LMAN2L: variants seen among roughly 807,000 people sequenced by gnomAD.
LMAN2L encodes the protein lectin, mannose binding 2 like, also known as VIP36-like protein.
In LMAN2L, 30 loss-of-function variants were observed where a neutral mutation model predicts 44.3. The observed-to-expected ratio is 0.68, with a 90% CI of 0.51 to 0.92. The LOEUF is 0.92. Ranked by LOEUF, LMAN2L falls within the 40% of genes least tolerant of loss-of-function variation. The pLI, the probability that LMAN2L is intolerant of heterozygous loss-of-function variation, is 0.00. For synonymous variants in LMAN2L, 183 were observed against 171.1 expected (o/e 1.07, Z -0.54); for missense variants, 429 against 446.1 (o/e 0.96, Z 0.35).
intron 2 of LMAN2L, chr2:96,736,992 T>C: frequency 2.9e-6 from 1 of 345,978 alleles, no homozygotes; most frequent in South Asian, 2.2e-5. Flanking sequence ...CTACAACTAA[T>C]GAGAAAAGCC....
At position 96,722,263 on chromosome 2, in the gene LMAN2L, C is replaced by T. The variant is rs193135909; in HGVS notation, c.508-10238G>A. On this transcript the variant is annotated intron_variant, in intron 4 of 7. Transcript: ENST00000264963. Reference sequence around the variant, plus strand: ...GATTACAGGCGTGAGCCACCGCACCCGGCCTGTGTACTTTATTTCTATTAT... The same window carrying T: ...GATTACAGGCGTGAGCCACCGCACCTGGCCTGTGTACTTTATTTCTATTAT... Among the ~76,000 whole-genome samples the T allele has an allele frequency of 4.7e-3, 719 of 152,182 alleles. 3 individuals carry two copies. The highest frequency in any genetic ancestry group is 0.014 in the Middle Eastern group (4 of 294).
At chr2:96,708,531 A>T (rs906990133) in intron 6 of LMAN2L, among the ~76,000 whole-genome samples, 6 of 152,254 alleles carry the variant, frequency 3.9e-5, no homozygotes, top group Non-Finnish European at 8.8e-5. Context: ...CTGTATAATT[A>T]AAAAATTTGG....
At chr2:96,719,989 T>C (rs559918151) in intron 4 of LMAN2L, among the ~76,000 whole-genome samples, 13 of 151,964 alleles carry the variant, frequency 8.6e-5, no homozygotes, top group African/African-American at 3.1e-4. Context: ...ACTGTGCCAC[T>C]GCACTCCATC....
rs552346245 is a variant in LMAN2L, at chr2:96,729,530, C to A, written c.507+3989G>T. 2.7e-5 allele frequency among the ~76,000 whole-genome samples: 4 copies of A among 150,544 alleles called. No individual in the cohort carries two copies. The East Asian group carries it at 5.9e-4, about 22-fold the overall frequency. On this transcript the variant is annotated intron_variant, in intron 4 of 7. Coordinates refer to ENST00000264963, the MANE Select transcript of LMAN2L (RefSeq NM_030805.4). ...TTTTTAATGGCTTTTTTTTTTGAGA[C>A]AGAGTCTTGCTCTTGTCGCCCAGGC...
intron 4 of LMAN2L, among the ~76,000 whole-genome samples, chr2:96,730,112 C>T (rs1388886702): frequency 6.6e-6 from 1 of 151,866 alleles, no homozygotes; most frequent in Non-Finnish European, 1.5e-5. Context: ...CAAAATAAAC[C>T]CAAGTCAGAA....
At chr2:96,732,947 C>T (rs76118649) in intron 4 of LMAN2L, among the ~76,000 whole-genome samples, 1 of 151,980 alleles carries the variant, frequency 6.6e-6, no homozygotes, top group East Asian at 1.9e-4. Context: ...CGGGGTTTCA[C>T]CATGTTGGCA....
intron 4 of LMAN2L, among the ~76,000 whole-genome samples, chr2:96,720,326 C>T (rs770065096): frequency 3.3e-5 from 5 of 152,188 alleles, no homozygotes; most frequent in African/African-American, 7.2e-5. Context: ...TCATTCATTA[C>T]GCTCTGATTT....
chr2:96,738,788 T>A (rs1376975797), intron 1 of LMAN2L, among the ~76,000 whole-genome samples: 1 of 152,010 alleles, frequency 6.6e-6, no homozygotes, highest in Non-Finnish European at 1.5e-5. Flanking sequence ...TTGCCCAGGC[T>A]GAAGTGCAGT....
At chr2:96,715,677 G>A (rs2153323716) in intron 4 of LMAN2L, among the ~76,000 whole-genome samples, 1 of 152,326 alleles carries the variant, frequency 6.6e-6, no homozygotes, top group African/African-American at 2.4e-5. Flanking sequence ...TGTACTACAA[G>A]ACTACTTTTA....
At chr2:96,724,522 T>C (rs1447614397) in intron 4 of LMAN2L, among the ~76,000 whole-genome samples, 3 of 152,234 alleles carry the variant, frequency 2.0e-5, no homozygotes, top group African/African-American at 7.2e-5. Context: ...TATTTCATTT[T>C]TGAGACAGGG....
chr2:96,717,370 T>C (rs1454156996), intron 4 of LMAN2L, among the ~76,000 whole-genome samples: 2 of 151,704 alleles, frequency 1.3e-5, no homozygotes, highest in Non-Finnish European at 2.9e-5. Flanking sequence ...CAAAACCCCA[T>C]CTCTACAAAA....
At chr2:96,737,176 G>A (rs1191950434) in intron 2 of LMAN2L, 15 of 455,926 alleles carry the variant, frequency 3.3e-5, no homozygotes, top group Non-Finnish European at 4.9e-5. Flanking sequence ...CAGGAATACT[G>A]CATTCACTTC....
At chr2:96,717,454 C>A (rs2078061820) in intron 4 of LMAN2L, among the ~76,000 whole-genome samples, 1 of 150,448 alleles carries the variant, frequency 6.6e-6, no homozygotes, top group East Asian at 2.0e-4. Flanking sequence ...CTCTATTGAG[C>A]CTGAGAAGTT....
chr2:96,731,031 G>A (rs1294848631), intron 4 of LMAN2L, among the ~76,000 whole-genome samples: 1 of 152,072 alleles, frequency 6.6e-6, no homozygotes, highest in African/African-American at 2.4e-5. Flanking sequence ...ATGGGACACG[G>A]GTTCCTTACT....
At chr2:96,735,464 G>C (rs1253115132) in intron 2 of LMAN2L, among the ~76,000 whole-genome samples, 2 of 152,198 alleles carry the variant, frequency 1.3e-5, no homozygotes, top group East Asian at 3.8e-4. Flanking sequence ...CATTGAGCAA[G>C]GGGCCTGAAA....
intron 4 of LMAN2L, among the ~76,000 whole-genome samples, chr2:96,721,116 G>A (rs1193074636): frequency 6.6e-6 from 1 of 151,788 alleles, no homozygotes; most frequent in Non-Finnish European, 1.5e-5. Context: ...CCCACTAGTA[G>A]TCACTCTCCT....
At position 96,711,693 on chromosome 2, in the gene LMAN2L, G is replaced by C. The variant is rs200567322; in HGVS notation, c.747C>G (p.Tyr249Ter). The part of the protein sequence containing the change: ...EVPGVRLPRG[Y>*]YFGTSSITGD... The stretch of plus-strand genomic sequence containing the variant: ...CAGTGATGGAGGAGGTGCCGAAGTA[G>C]TAGCCGCGGGGCAGGCGGACTCCGG... Residue 249 changes from tyrosine (Y) to a stop codon, truncating the protein, a stop_gained, in exon 6 of 8, where the codon TAC becomes TAG. Transcript: ENST00000264963. LOFTEE classifies it high-confidence loss of function. The C allele has an allele frequency of 1.2e-6, 2 of 1,614,080 alleles. No homozygotes were observed. The highest frequency in any genetic ancestry group is 1.7e-6 in the Non-Finnish European group (2 of 1,179,974).
rs1467764480 is a variant in LMAN2L at position 96,739,954 on chromosome 2, A to G, written c.87T>C (p.Leu29=). 2.5e-6 allele frequency: 4 copies of G among 1,613,836 alleles called. No individual in the cohort carries two copies. The highest frequency in any genetic ancestry group is 3.4e-6 in the Non-Finnish European group (4 of 1,180,012). ...CCTGCCCAGACCCCAACAAAAGAAG[A>G]AGGAGTAACATCCTGGACCCATCCC... is the stretch of plus-strand genomic sequence containing the variant. ...SARDGSRMLL[L]LLLLGSGQGP... The change falls in exon 1 of 8, where the codon CTT becomes CTC. Residue 29 remains leucine (L), a synonymous_variant. Transcript: ENST00000264963.
chr2:96,711,350 G>C (rs1477795642), intron 6 of LMAN2L, among the ~76,000 whole-genome samples: 1 of 152,188 alleles, frequency 6.6e-6, no homozygotes, highest in Non-Finnish European at 1.5e-5. Context: ...GTTGGAAGGA[G>C]AGGAGCCTGA....
Sources: allele counts gnomAD v4.1 joint callset (sites outside exome capture counted in the v4.1 genomes callset), GRCh38; gene constraint gnomAD v4.1.1; transcripts MANE v1.5; gene names NCBI Gene and HGNC (gene_info 2026-07-23, HGNC 2026-07-21).